LRRC37A2: variants seen among roughly 807,000 people sequenced by gnomAD.
LRRC37A2 encodes the protein leucine-rich repeat-containing protein 37A2.
A neutral mutation model predicts 68.8 loss-of-function variants in LRRC37A2; 9 were observed. That is an observed-to-expected ratio of 0.13 (90% CI 0.08 to 0.23). The LOEUF is 0.23. LRRC37A2 is among the 10% of genes least tolerant of loss of function. The probability of loss-of-function intolerance (pLI) is 1.00; values close to 1 mark genes in which losing one functional copy is unlikely to be tolerated. For missense variants in LRRC37A2, 168 were observed against 950.4 expected (o/e 0.18, Z 10.82); for synonymous variants, 63 against 367.6 (o/e 0.17, Z 9.48).
chr17:46,936,228 A>G, the LRRC37A2 span: 2 of 985,472 alleles, frequency 2.0e-6, no homozygotes, highest in East Asian at 2.3e-4. Flanking sequence ...CCCTTTCTTT[A>G]GAAAACTGCT....
the LRRC37A2 span, among the ~76,000 whole-genome samples, chr17:46,788,289 C>T: frequency 2.2e-3 from 332 of 152,290 alleles, 1 homozygote; most frequent in Non-Finnish European, 4.0e-3. Context: ...TGTAACATTT[C>T]TCCCCTTCCT....
chr17:46,785,037 A>G, the LRRC37A2 span, among the ~76,000 whole-genome samples: 1 of 152,116 alleles, frequency 6.6e-6, no homozygotes, highest in East Asian at 1.9e-4. Flanking sequence ...TTGGCCTCCC[A>G]AAGTGCTGGG....
At chr17:46,492,689 G>GTTTTTTT in the LRRC37A2 span, among the ~76,000 whole-genome samples, 31 of 107,792 alleles carry the variant, frequency 2.9e-4, no homozygotes, top group East Asian at 5.3e-4. Context: ...GTTTTGTTTT[G>GTTTTTTT]TTTTTTTTTT....
chr17:46,781,668 C>G, the LRRC37A2 span, among the ~76,000 whole-genome samples: 11 of 152,216 alleles, frequency 7.2e-5, no homozygotes, highest in Middle Eastern at 3.4e-3. Flanking sequence ...GATGGTCACA[C>G]AGCATTGGAA....
At chr17:46,497,222 G>GT in the LRRC37A2 span, among the ~76,000 whole-genome samples, 1 of 132,154 alleles carries the variant, frequency 7.6e-6, no homozygotes, top group Admixed American at 7.7e-5. Context: ...ATGGTTTCTT[G>GT]TTTTTTCGTT....
the LRRC37A2 span, among the ~76,000 whole-genome samples, chr17:47,033,025 T>G: frequency 6.6e-6 from 1 of 151,930 alleles, no homozygotes; most frequent in African/African-American, 2.4e-5. Context: ...GAGACCAGCC[T>G]GGCCAACATG....
At chr17:46,978,674 C>A in the LRRC37A2 span, 3 of 1,609,482 alleles carry the variant, frequency 1.9e-6, no homozygotes, top group East Asian at 4.5e-5. Flanking sequence ...GCTGCGCCCA[C>A]GTCCTTGGAG....
the LRRC37A2 span, among the ~76,000 whole-genome samples, chr17:46,903,812 G>C: frequency 7.4e-6 from 1 of 135,290 alleles, no homozygotes; most frequent in South Asian, 2.8e-4. Context: ...GGGTGGGGTG[G>C]ATAGATGGGT....
chr17:47,024,576 G>A, the LRRC37A2 span: 1 of 811,050 alleles, frequency 1.2e-6, no homozygotes, highest in Non-Finnish European at 2.2e-6. Flanking sequence ...CCACCATCTT[G>A]AAGTGACCAT....
chr17:46,749,661 T>C, the LRRC37A2 span: 1 of 1,020,142 alleles, frequency 9.8e-7, no homozygotes, highest in Non-Finnish European at 1.4e-6. Context: ...TGCCTAATCA[T>C]TTGCATCGGC....
the LRRC37A2 span, among the ~76,000 whole-genome samples, chr17:46,492,163 C>A: frequency 6.6e-6 from 1 of 151,492 alleles, no homozygotes; most frequent in Non-Finnish European, 1.5e-5. Flanking sequence ...CAGGGTTTCA[C>A]CATGTTGGCC....
the LRRC37A2 span, among the ~76,000 whole-genome samples, chr17:46,823,183 A>C: frequency 7.9e-6 from 1 of 126,908 alleles, no homozygotes; most frequent in Non-Finnish European, 1.6e-5. Flanking sequence ...TTTATATATA[A>C]TATATTATAT....
At chr17:46,760,807 G>A in the LRRC37A2 span, among the ~76,000 whole-genome samples, 1 of 152,178 alleles carries the variant, frequency 6.6e-6, no homozygotes, top group East Asian at 1.9e-4. Context: ...GACCTTGTGT[G>A]ACAGGTGGCA....
chr17:46,859,848 GC>G, the LRRC37A2 span, among the ~76,000 whole-genome samples: 1 of 152,254 alleles, frequency 6.6e-6, no homozygotes, highest in African/African-American at 2.4e-5. Context: ...TCTATTTAGA[GC>G]TTTTGTAATT....
the LRRC37A2 span, chr17:46,769,964 G>C: frequency 6.2e-7 from 1 of 1,612,700 alleles, no homozygotes; most frequent in Non-Finnish European, 8.5e-7. Flanking sequence ...GCAAATGGTG[G>C]AGGTGCCCTC....
At chr17:46,881,735 C>T in the LRRC37A2 span, among the ~76,000 whole-genome samples, 7 of 152,298 alleles carry the variant, frequency 4.6e-5, no homozygotes, top group South Asian at 2.1e-4. Flanking sequence ...GTACCCTACC[C>T]GCAATATCCC....
intron 4 of LRRC37A2, among the ~76,000 whole-genome samples, chr17:46,521,065 G>GT (rs1276592141): frequency 8.3e-4 from 66 of 79,640 alleles, no homozygotes; most frequent in Non-Finnish European, 6.8e-5. Flanking sequence ...AGCTAGAAAT[G>GT]TTTACACTAA....
chr17:46,782,158 A>G, the LRRC37A2 span, among the ~76,000 whole-genome samples: 1 of 152,220 alleles, frequency 6.6e-6, no homozygotes, highest in Non-Finnish European at 1.5e-5. Context: ...CTTTGCAGAA[A>G]TAGGCCCTTT....
chr17:46,737,680 A>G, the LRRC37A2 span, among the ~76,000 whole-genome samples: 8 of 152,148 alleles, frequency 5.3e-5, no homozygotes, highest in East Asian at 3.9e-4. Flanking sequence ...AACATGATGC[A>G]TAGAGTTAGG....
Sources: allele counts gnomAD v4.1 joint callset (sites outside exome capture counted in the v4.1 genomes callset), GRCh38; gene constraint gnomAD v4.1.1; transcripts MANE v1.5; gene names NCBI Gene and HGNC (gene_info 2026-07-23, HGNC 2026-07-21).